ANK3: variants seen among roughly 807,000 people sequenced by gnomAD.
The protein encoded by ANK3 is ankyrin 3, also known as ankyrin-3.
In ANK3, 57 loss-of-function variants were observed where a neutral mutation model predicts 370.9. That is an observed-to-expected ratio of 0.15 (90% CI 0.12 to 0.19). The LOEUF (loss-of-function observed/expected upper bound fraction) is 0.19, where lower values mean the gene tolerates loss of function less well. Among genes scored for constraint, ANK3 ranks in the 10% least tolerant of loss-of-function variants. The probability of loss-of-function intolerance (pLI) is 1.00; values close to 1 mark genes in which losing one functional copy is unlikely to be tolerated. For synonymous variants in ANK3, 1,929 were observed against 1,946.3 expected, an observed-to-expected ratio of 0.99 and a Z score of 0.23; for missense variants, 4,439 against 5,302.1, an observed-to-expected ratio of 0.84 and a Z score of 5.06.
intron 2 of ANK3, among the ~76,000 whole-genome samples, chr10:60,515,292 T>C (rs886446571): frequency 6.6e-6 from 1 of 152,124 alleles, no homozygotes; most frequent in African/African-American, 2.4e-5. Flanking sequence ...GCAGGAAGCA[T>C]TGACCATAAG....
intron 8 of ANK3, among the ~76,000 whole-genome samples, chr10:60,224,858 C>T (rs2097113243): frequency 6.6e-6 from 1 of 151,722 alleles, no homozygotes; most frequent in African/African-American, 2.4e-5. Context: ...AACTAAAGGG[C>T]ATCACTTACA....
chr10:60,151,807 A>C (rs1229278868), intron 23 of ANK3, among the ~76,000 whole-genome samples: 2 of 152,216 alleles, frequency 1.3e-5, no homozygotes, highest in Non-Finnish European at 2.9e-5. Flanking sequence ...TCTATATTAG[A>C]AGTACAAGGA....
intron 5 of ANK3, among the ~76,000 whole-genome samples, chr10:60,268,373 C>A (rs888743135): frequency 1.3e-5 from 2 of 152,174 alleles, no homozygotes; most frequent in Non-Finnish European, 2.9e-5. Flanking sequence ...CCACTGGTAA[C>A]AATCTACTAT....
At chr10:60,491,428 A>T (rs955689618) in intron 2 of ANK3, among the ~76,000 whole-genome samples, 1 of 152,234 alleles carries the variant, frequency 6.6e-6, no homozygotes, top group African/African-American at 2.4e-5. Context: ...CTGTGAATGC[A>T]AATCATAATA....
intron 8 of ANK3, among the ~76,000 whole-genome samples, chr10:60,219,847 T>A (rs1258199968): frequency 6.6e-6 from 1 of 152,196 alleles, no homozygotes; most frequent in African/African-American, 2.4e-5. Context: ...ACAACCCTAT[T>A]TCTAAACTAC....
At chr10:60,277,119 T>C (rs2098102526) in intron 4 of ANK3, among the ~76,000 whole-genome samples, 3 of 152,244 alleles carry the variant, frequency 2.0e-5, no homozygotes, top group African/African-American at 4.8e-5. Context: ...GGAAGCACTG[T>C]GCAGTTCCTT....
intron 1 of ANK3, among the ~76,000 whole-genome samples, chr10:60,642,345 C>T (rs1253861638): frequency 1.4e-4 from 21 of 151,066 alleles, no homozygotes; most frequent in South Asian, 4.2e-4. Context: ...ATGTTTATTG[C>T]GGCACTATTC....
chr10:60,467,237 T>C (rs1469560501), intron 2 of ANK3, among the ~76,000 whole-genome samples: 1 of 152,116 alleles, frequency 6.6e-6, no homozygotes, highest in Non-Finnish European at 1.5e-5. Flanking sequence ...AAACAGAAAA[T>C]GAACAAACTT....
chr10:60,537,069 G>GA (rs994910203), intron 2 of ANK3, among the ~76,000 whole-genome samples: 1 of 151,742 alleles, frequency 6.6e-6, no homozygotes, highest in Non-Finnish European at 1.5e-5. Flanking sequence ...AATTGTACGG[G>GA]AAAAAAATGT....
chr10:60,077,795 A>G (rs900187073), intron 36 of ANK3, among the ~76,000 whole-genome samples: 2 of 152,198 alleles, frequency 1.3e-5, no homozygotes, highest in African/African-American at 4.8e-5. Flanking sequence ...TCAATTTCAA[A>G]GGTACCAATT....
chr10:60,118,531 A>C (rs2093264352), intron 25 of ANK3, among the ~76,000 whole-genome samples: 1 of 151,844 alleles, frequency 6.6e-6, no homozygotes, highest in African/African-American at 2.4e-5. Context: ...TGGATTAACC[A>C]AATATGAGGT....
chr10:60,455,889 T>C (rs904656115), intron 2 of ANK3, among the ~76,000 whole-genome samples: 2 of 152,206 alleles, frequency 1.3e-5, no homozygotes, highest in African/African-American at 2.4e-5. Context: ...GGAGATGCGA[T>C]GGATGATATG....
chr10:60,053,437 G>A (rs1564637722), intron 42 of ANK3, among the ~76,000 whole-genome samples: 1 of 152,130 alleles, frequency 6.6e-6, no homozygotes, highest in Non-Finnish European at 1.5e-5. Context: ...ATCATGTGAG[G>A]CCAACCCCTT....
intron 1 of ANK3, among the ~76,000 whole-genome samples, chr10:60,701,264 A>T (rs2079542160): frequency 6.6e-6 from 1 of 152,132 alleles, no homozygotes; most frequent in Non-Finnish European, 1.5e-5. Context: ...CTGTGAGAAA[A>T]AAAAACATTT....
At chr10:60,305,405 C>T (rs1037748963) in intron 1 of ANK3, among the ~76,000 whole-genome samples, 11 of 148,666 alleles carry the variant, frequency 7.4e-5, no homozygotes, top group Admixed American at 6.0e-4. Context: ...TCGTGTCCTC[C>T]TATCCACCGA....
Position 60,209,450 on chromosome 10 carries a change from A to G in ANK3, c.997-1217T>C, listed in dbSNP as rs1464551802. Among the ~76,000 whole-genome samples, 6 of 152,296 alleles carry G rather than the reference A, an allele frequency of 3.9e-5. No homozygotes were observed. In the South Asian group the frequency reaches 6.2e-4, roughly 16 times the overall value. On this transcript the variant is annotated intron_variant, in intron 9 of 43. Coordinates refer to ENST00000280772, the MANE Select transcript of ANK3 (RefSeq NM_020987.5). ...CTAACGGCATTATCCACTCTCTGAC[A>G]TATATTTCAACTATTTGTGTTCCGT...
At chr10:60,134,640 T>G (rs1191936693) in intron 24 of ANK3, among the ~76,000 whole-genome samples, 1 of 152,200 alleles carries the variant, frequency 6.6e-6, no homozygotes, top group African/African-American at 2.4e-5. Context: ...CACTATGAAG[T>G]TGAACTGACA....
At chr10:60,460,336 T>G (rs937916569) in intron 2 of ANK3, among the ~76,000 whole-genome samples, 3 of 152,134 alleles carry the variant, frequency 2.0e-5, no homozygotes, top group African/African-American at 7.2e-5. Flanking sequence ...AAAGCAAGAA[T>G]CATTAGAAAC....
intron 25 of ANK3, among the ~76,000 whole-genome samples, chr10:60,124,911 G>A (rs536093697): frequency 9.8e-5 from 15 of 152,300 alleles, no homozygotes; most frequent in East Asian, 1.9e-4. Flanking sequence ...CCAAAAGCAC[G>A]AAATGAGATG....
Sources: allele counts gnomAD v4.1 joint callset (sites outside exome capture counted in the v4.1 genomes callset), GRCh38; gene constraint gnomAD v4.1.1; transcripts MANE v1.5; gene names NCBI Gene and HGNC (gene_info 2026-07-23, HGNC 2026-07-21).